The following NHSL2 variants were observed in gnomAD, a reference collection of about 807,000 sequenced individuals.
The protein encoded by NHSL2 is NHS like 2.
A neutral mutation model predicts 53.4 loss-of-function variants in NHSL2; 27 were observed. That is an observed-to-expected ratio of 0.51 (90% confidence interval 0.37 to 0.70). The LOEUF is 0.70. NHSL2 is among the 30% of genes least tolerant of loss of function. The pLI, the probability that NHSL2 is intolerant of heterozygous loss-of-function variation, is 0.00. For synonymous variants in NHSL2, 408 were observed against 404.1 expected (o/e 1.01, Z -0.12); for missense variants, 892 against 980.1 (o/e 0.91, Z 1.20).
At chrX:72,080,616 A>G (rs2041783611) in intron 1 of NHSL2, among the ~76,000 whole-genome samples, 1 of 106,206 alleles carries the variant, frequency 9.4e-6, no homozygotes, top group African/African-American at 3.5e-5. Context: ...GAATTACTGC[A>G]CCTCTTACTT....
intron 1 of NHSL2, among the ~76,000 whole-genome samples, chrX:72,078,070 G>A (rs1412581643): frequency 8.9e-6 from 1 of 112,830 alleles, no homozygotes. Flanking sequence ...AGAAACCGTA[G>A]ACTACATAAG....
At chrX:72,089,536 T>C (rs754781912) in intron 1 of NHSL2, among the ~76,000 whole-genome samples, 5 of 110,572 alleles carry the variant, frequency 4.5e-5, no homozygotes, top group South Asian at 7.6e-4. Context: ...TCTAGGTGCA[T>C]AGAGCATGAG....
At chrX:72,085,405 A>G (rs967590384) in intron 1 of NHSL2, among the ~76,000 whole-genome samples, 4 of 112,305 alleles carry the variant, frequency 3.6e-5, no homozygotes, top group Non-Finnish European at 5.6e-5. Context: ...TATTCGGATC[A>G]TATTTATAAC....
chrX:72,124,413 T>C (rs2042205820), intron 1 of NHSL2, among the ~76,000 whole-genome samples: 1 of 111,522 alleles, frequency 9.0e-6, no homozygotes, highest in African/African-American at 3.3e-5. Context: ...TGTTTCTTGA[T>C]CACTTACTTT....
chrX:72,073,856 G>A (rs906793901), intron 1 of NHSL2, among the ~76,000 whole-genome samples: 1 of 112,316 alleles, frequency 8.9e-6, no homozygotes, highest in African/African-American at 3.2e-5. Context: ...GAGGGGTCTG[G>A]GCTTGCTTGT....
chrX:72,100,660 G>A (rs1415464687), intron 1 of NHSL2, among the ~76,000 whole-genome samples: 1 of 111,931 alleles, frequency 8.9e-6, no homozygotes, highest in Non-Finnish European at 1.9e-5. Context: ...ACCCTACTGT[G>A]AGCTGTGCAT....
At chrX:71,923,418 G>T (rs1403878974) in intron 1 of NHSL2, among the ~76,000 whole-genome samples, 2 of 112,382 alleles carry the variant, frequency 1.8e-5, no homozygotes, top group Non-Finnish European at 3.8e-5. Flanking sequence ...TCCATGTGCA[G>T]TCAGACAAGG....
At chrX:72,100,697 T>G (rs57540561) in intron 1 of NHSL2, among the ~76,000 whole-genome samples, 4,708 of 112,074 alleles carry the variant, frequency 0.042, 253 homozygotes, top group African/African-American at 0.15. Context: ...ACTTGCTCCT[T>G]ATAAGAATCT....
chrX:71,937,757 G>A (rs1401891776), intron 1 of NHSL2, among the ~76,000 whole-genome samples: 1 of 111,889 alleles, frequency 8.9e-6, no homozygotes, highest in Admixed American at 9.4e-5. Context: ...ACTTTGTGCC[G>A]TGCTAAAAGA....
At chrX:71,932,465 G>A (rs1460777699) in intron 1 of NHSL2, among the ~76,000 whole-genome samples, 6 of 111,159 alleles carry the variant, frequency 5.4e-5, no homozygotes, top group Admixed American at 4.8e-4. Context: ...CTGCTGTGCT[G>A]AGAATGGACT....
chrX:71,966,646 T>A lies in NHSL2; in HGVS notation c.280+55279T>A, dbSNP rs2041902342. Among the ~76,000 whole-genome samples, 3 of 112,026 alleles carry A rather than the reference T, an allele frequency of 2.7e-5. No homozygotes were observed. In the South Asian group the frequency reaches 1.1e-3, roughly 41 times the overall value. On this transcript the variant is annotated intron_variant, in intron 1 of 7. Transcript: ENST00000633930. ...TTTCATGCCTGGGGTAAATCCCACT[T>A]GGTTGTGATGTATAATTATTTTTAT...
intron 1 of NHSL2, among the ~76,000 whole-genome samples, chrX:71,926,117 T>A (rs959057469): frequency 8.9e-6 from 1 of 111,782 alleles, no homozygotes; most frequent in African/African-American, 3.3e-5. Context: ...CTCTGTGAAA[T>A]TAACTAGCAT....
chrX:71,942,970 CTCTGTGTGTG>C (rs2041774439), intron 1 of NHSL2, among the ~76,000 whole-genome samples: 1 of 17,081 alleles, frequency 5.9e-5, no homozygotes, highest in African/African-American at 1.5e-4. Flanking sequence ...CTCTCTCTCT[CTCTGTGTGTG>C]TGTGTGTGTG....
chrX:72,140,486 G>T lies in NHSL2; in HGVS notation c.2938G>T (p.Val980Phe). The change falls in exon 6 of 8, where the codon GTT becomes TTT. Residue 980 changes from valine to phenylalanine, a missense_variant. Physicochemically the swap from Val to Phe is conservative, Grantham distance 50. Coordinates refer to ENST00000633930, the MANE Select transcript of NHSL2 (RefSeq NM_001013627.3). ...SVEDEGPKVR[V>F]LPERISLQSQ... ...AGAGGACGAGGGCCCCAAGGTGAGGGTTCTGCCTGAAAGAATTAGCCTCCA... is the reference window on the plus strand; with the variant it reads ...AGAGGACGAGGGCCCCAAGGTGAGGTTTCTGCCTGAAAGAATTAGCCTCCA... 2 of 1,210,167 alleles carry T rather than the reference G, an allele frequency of 1.7e-6. No homozygotes were observed. Among genetic ancestry groups the T allele is most frequent in the South Asian group, 1.8e-5 (1 of 56,647 alleles).
intron 1 of NHSL2, among the ~76,000 whole-genome samples, chrX:72,080,571 CGTGTGTGT>C (rs10580313): frequency 0.054 from 5,252 of 97,089 alleles, 137 homozygotes; most frequent in South Asian, 0.1. Flanking sequence ...GAATTCTGCA[CGTGTGTGT>C]GTGTGTGTGT....
intron 1 of NHSL2, among the ~76,000 whole-genome samples, chrX:72,086,368 G>A (rs1015716588): frequency 1.8e-5 from 2 of 111,938 alleles, no homozygotes; most frequent in Non-Finnish European, 3.8e-5. Context: ...GGAGGCGCAG[G>A]GGTCGGCTTT....
intron 1 of NHSL2, among the ~76,000 whole-genome samples, chrX:72,042,721 C>A (rs1569474847): frequency 1.0e-5 from 1 of 96,934 alleles, no homozygotes; most frequent in Non-Finnish European, 2.1e-5. Flanking sequence ...GGCTGAAAAG[C>A]AGAGTGTCTG....
At position 72,056,907 on chromosome X, in the gene NHSL2, C is replaced by T. The variant is rs145474481; in HGVS notation, c.281-75172C>T. The stretch of plus-strand genomic sequence containing the variant: ...CTACCTACCATCTCCTACTTTTAGA[C>T]GATGATATCATCTCTTACTTCCCAG... On this transcript the variant is annotated intron_variant, in intron 1 of 7. Coordinates refer to ENST00000633930, the MANE Select transcript of NHSL2 (RefSeq NM_001013627.3). 3.2e-3 allele frequency among the ~76,000 whole-genome samples: 363 copies of T among 112,494 alleles called. 2 individuals carry two copies. The Middle Eastern group carries it at 0.041, about 13-fold the overall frequency.
chrX:72,131,955 C>T (rs949142875), intron 1 of NHSL2, 124 bp from the exon 2 acceptor site: 1 of 638,794 alleles, frequency 1.6e-6, no homozygotes, highest in Non-Finnish European at 2.4e-6. Context: ...CTTTTAAGCG[C>T]AGCCTCGCAC....
Sources: gnomAD v4.1 joint callset for allele counts (sites outside exome capture counted in the v4.1 genomes callset) on GRCh38, gnomAD v4.1.1 for gene constraint, MANE v1.5 for transcripts, NCBI Gene and HGNC (gene_info 2026-07-23, HGNC 2026-07-21) for gene names.